The following FGF14 variants were observed in gnomAD, a reference collection of about 807,000 sequenced individuals.
FGF14 encodes fibroblast growth factor 14, also known as fibroblast growth factor homologous factor 4.
Under a neutral mutation model 25.5 loss-of-function variants are expected in FGF14, and 5 were observed. The observed-to-expected ratio is 0.20, with a 90% CI of 0.10 to 0.41. The LOEUF (loss-of-function observed/expected upper bound fraction) is 0.41. FGF14 is among the 10% of genes least tolerant of loss of function. The pLI is 1.00. For synonymous variants in FGF14, 138 were observed against 118.3 expected (o/e 1.17, Z -1.08); for missense variants, 222 against 320.1 (o/e 0.69, Z 2.34).
chr13:102,007,459 AC>A (rs1424050217), intron 1 of FGF14, among the ~76,000 whole-genome samples: 21 of 152,340 alleles, frequency 1.4e-4, no homozygotes, highest in Admixed American at 3.9e-4. Flanking sequence ...GCACATAAAA[AC>A]AAAACTGGGC....
chr13:102,080,679 GTC>G (rs2043577243), intron 1 of FGF14, among the ~76,000 whole-genome samples: 1 of 152,170 alleles, frequency 6.6e-6, no homozygotes, highest in African/African-American at 2.4e-5. Context: ...TTGGTGTTTT[GTC>G]TACACAGCCT....
At chr13:102,313,063 G>C (rs1420431538) in intron 1 of FGF14, among the ~76,000 whole-genome samples, 1 of 152,168 alleles carries the variant, frequency 6.6e-6, no homozygotes, top group African/African-American at 2.4e-5. Flanking sequence ...TTTAGTTCAA[G>C]GACAACAGAG....
chr13:101,956,911 T>A (rs2036552210), intron 1 of FGF14, among the ~76,000 whole-genome samples: 1 of 152,116 alleles, frequency 6.6e-6, no homozygotes, highest in South Asian at 2.1e-4. Context: ...CTTTCTTATG[T>A]ATAGATTTCA....
intron 1 of FGF14, among the ~76,000 whole-genome samples, chr13:102,374,647 TA>T (rs1566971002): frequency 9.0e-3 from 13 of 1,448 alleles, no homozygotes; most frequent in African/African-American, 0.02. Context: ...ACATATTTTA[TA>T]TATATATATA....
chr13:102,051,399 G>A (rs1356928685), intron 1 of FGF14, among the ~76,000 whole-genome samples: 2 of 152,212 alleles, frequency 1.3e-5, no homozygotes, highest in Admixed American at 1.3e-4. Context: ...CAGAAACTCT[G>A]TGCATGCCTG....
intron 1 of FGF14, among the ~76,000 whole-genome samples, chr13:101,898,606 A>G (rs745554316): frequency 1.3e-5 from 2 of 152,098 alleles, no homozygotes; most frequent in African/African-American, 2.4e-5. Flanking sequence ...TATTTTTGTC[A>G]AGATATTTGA....
chr13:102,294,542 T>C (rs1430038696), intron 1 of FGF14, among the ~76,000 whole-genome samples: 2 of 152,190 alleles, frequency 1.3e-5, no homozygotes, highest in Non-Finnish European at 2.9e-5. Context: ...ATTCTAAATA[T>C]TAACTCCAGG....
intron 1 of FGF14, among the ~76,000 whole-genome samples, chr13:102,220,538 A>G (rs540309185): frequency 6.6e-6 from 1 of 152,350 alleles, no homozygotes; most frequent in South Asian, 2.1e-4. Flanking sequence ...AATTCAAAAC[A>G]CTGCAGACGG....
intron 1 of FGF14, among the ~76,000 whole-genome samples, chr13:102,170,740 A>G (rs1229680772): frequency 1.3e-5 from 2 of 152,174 alleles, no homozygotes; most frequent in Non-Finnish European, 2.9e-5. Context: ...ATATTCTTCC[A>G]AACCATGGAA....
chr13:102,058,192 A>G (rs139162762), intron 1 of FGF14, among the ~76,000 whole-genome samples: 143 of 152,358 alleles, frequency 9.4e-4, no homozygotes, highest in Non-Finnish European at 1.8e-3. Context: ...TATGGATGTG[A>G]TGGCTACTGA....
At chr13:101,767,056 CAA>C (rs1394554800) in intron 3 of FGF14, among the ~76,000 whole-genome samples, 1 of 152,112 alleles carries the variant, frequency 6.6e-6, no homozygotes, top group Non-Finnish European at 1.5e-5. Context: ...TTTATATTGA[CAA>C]GAGATAAAAT....
intron 1 of FGF14, among the ~76,000 whole-genome samples, chr13:102,252,816 C>G (rs1269274550): frequency 6.6e-6 from 1 of 152,160 alleles, no homozygotes; most frequent in Non-Finnish European, 1.5e-5. Context: ...CTATCCCTCC[C>G]TTAGCTCCCC....
chr13:102,311,222 G>T (rs1240727734), intron 1 of FGF14, among the ~76,000 whole-genome samples: 2 of 152,128 alleles, frequency 1.3e-5, no homozygotes, highest in Non-Finnish European at 2.9e-5. Context: ...GGAGAACAAG[G>T]ATGTTCTTTT....
At chr13:102,112,780 G>A (rs1400984549) in intron 1 of FGF14, among the ~76,000 whole-genome samples, 1 of 152,090 alleles carries the variant, frequency 6.6e-6, no homozygotes, top group Non-Finnish European at 1.5e-5. Flanking sequence ...TTTAATTTCT[G>A]AGCCTCATAA....
At chr13:102,346,333 T>C (rs1445805166) in intron 1 of FGF14, among the ~76,000 whole-genome samples, 2 of 152,162 alleles carry the variant, frequency 1.3e-5, no homozygotes, top group African/African-American at 2.4e-5. Flanking sequence ...CCATATACTA[T>C]ATAAATGTAT....
At chr13:102,303,387 C>G (rs768033870) in intron 1 of FGF14, among the ~76,000 whole-genome samples, 4 of 152,182 alleles carry the variant, frequency 2.6e-5, no homozygotes, top group Non-Finnish European at 5.9e-5. Flanking sequence ...TGGTTATAAA[C>G]ACACCATGAG....
At chr13:101,957,189 A>G (rs370456033) in intron 1 of FGF14, among the ~76,000 whole-genome samples, 11 of 152,182 alleles carry the variant, frequency 7.2e-5, no homozygotes, top group Admixed American at 2.6e-4. Context: ...TATACAATAC[A>G]GATATATGAA....
At chr13:101,777,269 C>T (rs1463697012) in intron 3 of FGF14, among the ~76,000 whole-genome samples, 1 of 152,134 alleles carries the variant, frequency 6.6e-6, no homozygotes, top group Non-Finnish European at 1.5e-5. Context: ...CCTATTCTAC[C>T]TAGATTTCTC....
At chr13:102,038,824 A>G (rs962028121) in intron 1 of FGF14, among the ~76,000 whole-genome samples, 2 of 152,118 alleles carry the variant, frequency 1.3e-5, no homozygotes, top group African/African-American at 4.8e-5. Flanking sequence ...TTATTTATTA[A>G]TACTTGATTT....
Sources: gnomAD v4.1 joint callset for allele counts (sites outside exome capture counted in the v4.1 genomes callset) on GRCh38, gnomAD v4.1.1 for gene constraint, MANE v1.5 for transcripts, NCBI Gene and HGNC (gene_info 2026-07-23, HGNC 2026-07-21) for gene names.